The following EPM2AIP1 variants were observed in gnomAD, a reference collection of about 807,000 sequenced individuals.
EPM2AIP1 encodes EPM2A-interacting protein 1.
Under a neutral mutation model 44.8 loss-of-function variants are expected in EPM2AIP1, and 23 were observed. That is an observed-to-expected ratio of 0.51 (90% CI 0.37 to 0.73). The LOEUF is 0.73. Among genes scored for constraint, EPM2AIP1 ranks in the 30% least tolerant of loss-of-function variants. The pLI is 0.00. For missense variants in EPM2AIP1, 652 were observed against 743.9 expected (o/e 0.88, Z 1.44); for synonymous variants, 311 against 284.3 (o/e 1.09, Z -0.94).
chr3:36,990,292 A>C lies in EPM2AIP1; in HGVS notation c.*962T>G, dbSNP rs977289068. 1.3e-5 allele frequency: 5 copies of C among 380,534 alleles called. No homozygotes were observed. The South Asian group carries it at 5.4e-4, about 41-fold the overall frequency. The allele number at this position is 380,534 out of a possible 1,614,324, so 23.6% of individuals were successfully genotyped here. ...ATCTGATACTGTATCATTTTAAAAC[A>C]AAGTGTTTACTTTAGGCAGGATTTT... On this transcript the variant is annotated 3_prime_UTR_variant, in exon 1 of 1. Transcript: ENST00000322716.
chr3:36,991,221 T>C lies in EPM2AIP1; in HGVS notation c.*33A>G, dbSNP rs753237511. 4 of 1,514,674 alleles carry C rather than the reference T, an allele frequency of 2.6e-6. No individual in the cohort carries two copies. The highest frequency in any genetic ancestry group is 3.5e-6 in the Non-Finnish European group (4 of 1,129,716). 93.8% of individuals were successfully genotyped at this position (1,514,674 alleles called of 1,614,324 possible). On this transcript the variant is annotated 3_prime_UTR_variant, in exon 1 of 1. Transcript: ENST00000322716. ...AATTTTTGCTTTTAGAATTAAATTC[T>C]TGTTGAGTTTTTCAATCTTGTACTA...
Position 36,989,724 on chromosome 3 carries a change from C to G in EPM2AIP1, c.*1530G>C, listed in dbSNP as rs1559495145. ...GGGTGAGTGTCTTTAGGCTTAAATG[C>G]CAACAGAAGCCCCTAGTAAATATGA... is the stretch of plus-strand genomic sequence containing the variant. On this transcript the variant is annotated 3_prime_UTR_variant, in exon 1 of 1. Transcript: ENST00000322716. 2 of 151,982 alleles carry G rather than the reference C, an allele frequency of 1.3e-5. No individual in the cohort carries two copies. Among genetic ancestry groups the G allele is most frequent in the Admixed American group, 6.6e-5 (1 of 15,238 alleles). 9.4% of individuals were successfully genotyped at this position (151,982 alleles called of 1,614,324 possible).
rs754083403 is a variant in EPM2AIP1 at position 36,991,954 on chromosome 3, T to C, written c.1124A>G (p.Lys375Arg). The C allele has an allele frequency of 1.2e-6, 2 of 1,613,870 alleles. No individual in the cohort carries two copies. The highest frequency in any genetic ancestry group is 2.7e-5 in the African/African-American group (2 of 74,934). Reference sequence around the variant, plus strand: ...GAAGCCAAAGTCACAAAGCCATTGTTTGTCTGAGAAGTGGACTGTTGTTGC... The same window carrying C: ...GAAGCCAAAGTCACAAAGCCATTGTCTGTCTGAGAAGTGGACTGTTGTTGC... ...VGATTVHFSD[K>R]QWLCDFGFLV... Residue 375 changes from lysine (K) to arginine (R), a missense_variant, in exon 1 of 1, where the codon AAA becomes AGA. Lys to Arg is a conservative substitution (Grantham distance 26). Transcript: ENST00000322716.
Position 36,993,126 on chromosome 3 carries a change from G to A in EPM2AIP1, c.-49C>T, listed in dbSNP as rs182195612. ...GGCCAACGTTAGAAAGGCCGCAAGG[G>A]GAGAGGAGGAGCCTGAGAAGCGCCA... is the stretch of plus-strand genomic sequence containing the variant. On this transcript the variant is annotated 5_prime_UTR_variant, in exon 1 of 1. Transcript: ENST00000322716. 1.6e-4 allele frequency: 249 copies of A among 1,547,798 alleles called. No homozygotes were observed. In the African/African-American group the frequency reaches 3.1e-3, roughly 19 times the overall value.
rs1182794381 is a variant in EPM2AIP1 at position 36,992,930 on chromosome 3, G to A, written c.148C>T (p.Arg50Cys). 6.2e-7 allele frequency: 1 copy of A among 1,612,684 alleles called. No individual in the cohort carries two copies. Among genetic ancestry groups the A allele is most frequent in the East Asian group, 2.2e-5 (1 of 44,882 alleles). Residue 50 changes from arginine to cysteine, a missense_variant, in exon 1 of 1, where the codon CGC becomes TGC. Physicochemically the swap from Arg to Cys is radical, Grantham distance 180. Coordinates refer to ENST00000322716, the MANE Select transcript of EPM2AIP1 (RefSeq NM_014805.4). This position sits in a 1 kb window ranked among gnomAD's most constrained non-coding sequence, Gnocchi z 5.3. Reference protein sequence around the residue: ...LVCRRLIVATRERDVRRHYEA... With the variant: ...LVCRRLIVATCERDVRRHYEA... ...TAGTGGCGCCTGACGTCGCGTTCGC[G>A]GGTAGCTACGATGAGGCGGCGACAG...
chr3:36,990,915 G>A lies in EPM2AIP1; in HGVS notation c.*339C>T, dbSNP rs541679885. On this transcript the variant is annotated 3_prime_UTR_variant, in exon 1 of 1. Coordinates refer to ENST00000322716, the MANE Select transcript of EPM2AIP1 (RefSeq NM_014805.4). ...ATTTTAACACTCCATTAAAATAAGAGCTGAAATTTTTGGCATTTATCTTCA... is the reference window on the plus strand; with the variant it reads ...ATTTTAACACTCCATTAAAATAAGAACTGAAATTTTTGGCATTTATCTTCA... 7.9e-6 allele frequency: 8 copies of A among 1,008,462 alleles called. No homozygotes were observed. Among genetic ancestry groups the A allele is most frequent in the African/African-American group, 1.7e-5 (1 of 58,102 alleles). 62.5% of individuals were successfully genotyped at this position (1,008,462 alleles called of 1,614,324 possible). A position where few individuals can be genotyped will look rare whatever the true frequency, so the allele number is the denominator to read the frequency against.
In EPM2AIP1 at chr3:36,986,106, G is replaced by A. The variant is rs2080767958; in HGVS notation, c.*5148C>T. The A allele has an allele frequency of 6.6e-6, 1 of 152,184 alleles. No individual in the cohort carries two copies. The highest frequency in any genetic ancestry group is 6.5e-5 in the Admixed American group (1 of 15,280). The allele number at this position is 152,184 out of a possible 1,614,324, so 9.4% of individuals were successfully genotyped here. A position where few individuals can be genotyped will look rare whatever the true frequency, so the allele number is the denominator to read the frequency against. ...TAAAATACTGAACACTGGCTTAATG[G>A]TTAGCTGGCAGGCATTCAGGAAATT... is the stretch of plus-strand genomic sequence containing the variant. On this transcript the variant is annotated 3_prime_UTR_variant, in exon 1 of 1. Transcript: ENST00000322716.
rs1429430170 is a variant in EPM2AIP1 at position 36,991,164 on chromosome 3, A to C, written c.*90T>G. 4.0e-6 allele frequency: 6 copies of C among 1,482,468 alleles called. No homozygotes were observed. In the South Asian group the frequency reaches 7.6e-5, roughly 19 times the overall value. The allele number at this position is 1,482,468 out of a possible 1,614,324, so 91.8% of individuals were successfully genotyped here. A position where few individuals can be genotyped will look rare whatever the true frequency, so the allele number is the denominator to read the frequency against. ...CGGCTGGTACTTGGTACTTTCTCAC[A>C]ATCCAAATTAGTAAACTTGAAAACT... On this transcript the variant is annotated 3_prime_UTR_variant, in exon 1 of 1. Transcript: ENST00000322716.
At position 36,992,249 on chromosome 3, in the gene EPM2AIP1, G is replaced by T; in HGVS notation, c.829C>A (p.His277Asn). 5 of 1,614,012 alleles carry T rather than the reference G, an allele frequency of 3.1e-6. No individual in the cohort carries two copies. The highest frequency in any genetic ancestry group is 4.2e-6 in the Non-Finnish European group (5 of 1,179,900). The stretch of plus-strand genomic sequence containing the variant: ...TCCAAGTGAAGAAATCCTGAATAAT[G>T]AATGACATTCCAACAGTTGGGGCTT... ...AVSPNCWNVI[H>N]YSGFLHLELL... The change falls in exon 1 of 1, where the codon CAT (histidine) becomes AAT (asparagine). Residue 277 changes from histidine to asparagine, a missense_variant. Transcript: ENST00000322716. The surrounding 1 kb of genome is among the most constrained non-coding windows in gnomAD (Gnocchi z 5.3).
At position 36,991,220 on chromosome 3, in the gene EPM2AIP1, C is replaced by G. The variant is rs780852020; in HGVS notation, c.*34G>C. ...CAATTTTTGCTTTTAGAATTAAATTCTTGTTGAGTTTTTCAATCTTGTACT... is the reference window on the plus strand; with the variant it reads ...CAATTTTTGCTTTTAGAATTAAATTGTTGTTGAGTTTTTCAATCTTGTACT... On this transcript the variant is annotated 3_prime_UTR_variant, in exon 1 of 1. Coordinates refer to ENST00000322716, the MANE Select transcript of EPM2AIP1 (RefSeq NM_014805.4). 1 of 1,510,082 alleles carries G rather than the reference C, an allele frequency of 6.6e-7. No individual in the cohort carries two copies. Among genetic ancestry groups the G allele is most frequent in the Non-Finnish European group, 8.9e-7 (1 of 1,127,492 alleles). 93.5% of individuals were successfully genotyped at this position (1,510,082 alleles called of 1,614,324 possible). A position where few individuals can be genotyped will look rare whatever the true frequency, so the allele number is the denominator to read the frequency against.
chr3:36,992,451 CAGA>C lies in EPM2AIP1; in HGVS notation c.624_626del (p.Leu209del). 1 of 1,613,952 alleles carries C rather than the reference CAGA, an allele frequency of 6.2e-7. No homozygotes were observed. The highest frequency in any genetic ancestry group is 8.5e-7 in the Non-Finnish European group (1 of 1,179,896). Reference sequence around the variant, plus strand: ...AATGATGAGTCAGGTTGATTATGGTCAGAAGATCTTCTTGCACCTCCAACTCAG... The same window carrying C: ...AATGATGAGTCAGGTTGATTATGGTCAGATCTTCTTGCACCTCCAACTCAG... On this transcript the variant is annotated inframe_deletion, in exon 1 of 1. Coordinates refer to ENST00000322716, the MANE Select transcript of EPM2AIP1 (RefSeq NM_014805.4). This position sits in a 1 kb window ranked among gnomAD's most constrained non-coding sequence, Gnocchi z 5.3.
chr3:36,993,030 T>G lies in EPM2AIP1; in HGVS notation c.48A>C (p.Leu16=). 6.2e-7 allele frequency: 1 copy of G among 1,611,662 alleles called. No individual in the cohort carries two copies. Among genetic ancestry groups the G allele is most frequent in the African/African-American group, 1.3e-5 (1 of 75,008 alleles). ...GCTGGGTCCACTCGGGCCGGAAAAC[T>G]AGAGCCTCGTCGACTTCCATCTTGC... The part of the protein sequence containing the change: ...KRSKMEVDEA[L]VFRPEWTQRY... The change falls in exon 1 of 1, where the codon CTA becomes CTC. Residue 16 remains leucine (L), a synonymous_variant. Coordinates refer to ENST00000322716, the MANE Select transcript of EPM2AIP1 (RefSeq NM_014805.4).
chr3:36,985,395 A>C lies in EPM2AIP1; in HGVS notation c.*5859T>G, dbSNP rs1200779726. The C allele has an allele frequency of 6.6e-6, 1 of 152,186 alleles. No homozygotes were observed. Among genetic ancestry groups the C allele is most frequent in the Non-Finnish European group, 1.5e-5 (1 of 68,038 alleles). The allele number at this position is 152,186 out of a possible 1,614,324, so 9.4% of individuals were successfully genotyped here. On this transcript the variant is annotated 3_prime_UTR_variant, in exon 1 of 1. Coordinates refer to ENST00000322716, the MANE Select transcript of EPM2AIP1 (RefSeq NM_014805.4). ...GGTGCATTCAAGGGCATATATAAAA[A>C]CCCACTGAGGTGTACACTTAATATC...
Position 36,991,299 on chromosome 3 carries a change from G to A in EPM2AIP1, c.1779C>T (p.Pro593=), listed in dbSNP as rs1475243046. Residue 593 remains proline (P), a synonymous_variant, in exon 1 of 1, where the codon CCC becomes CCT. Coordinates refer to ENST00000322716, the MANE Select transcript of EPM2AIP1 (RefSeq NM_014805.4). ...TTTCTCTCACAAGGTCATCCCAACCGGGCTCCATTTCAGTTGTGGCAACCC... is the reference window on the plus strand; with the variant it reads ...TTTCTCTCACAAGGTCATCCCAACCAGGCTCCATTTCAGTTGTGGCAACCC... ...LFRVATTEME[P]GWDDLVRERN... is the part of the protein sequence containing the mutation. The A allele has an allele frequency of 6.2e-7, 1 of 1,613,504 alleles. No homozygotes were observed. The highest frequency in any genetic ancestry group is 1.1e-5 in the South Asian group (1 of 91,068).
chr3:36,990,840 G>A lies in EPM2AIP1; in HGVS notation c.*414C>T. 1.0e-6 allele frequency: 1 copy of A among 986,362 alleles called. No individual in the cohort carries two copies. Among genetic ancestry groups the A allele is most frequent in the Non-Finnish European group, 1.2e-6 (1 of 830,350 alleles). The allele number at this position is 986,362 out of a possible 1,614,324, so 61.1% of individuals were successfully genotyped here. A position where few individuals can be genotyped will look rare whatever the true frequency, so the allele number is the denominator to read the frequency against. The stretch of plus-strand genomic sequence containing the variant: ...TTGCTATGTGAGCTTCTGCAAATTG[G>A]TTCAAAAGCACATTTAAGGAGTTGA... On this transcript the variant is annotated 3_prime_UTR_variant, in exon 1 of 1. Coordinates refer to ENST00000322716, the MANE Select transcript of EPM2AIP1 (RefSeq NM_014805.4).
At position 36,991,924 on chromosome 3, in the gene EPM2AIP1, A is replaced by G; in HGVS notation, c.1154T>C (p.Val385Ala). 1 of 1,613,862 alleles carries G rather than the reference A, an allele frequency of 6.2e-7. No homozygotes were observed. The highest frequency in any genetic ancestry group is 2.2e-5 in the East Asian group (1 of 44,900). Reference sequence around the variant, plus strand: ...TTCTCGAAGGTGTTCCATAATGTCCACCAAGAAGCCAAAGTCACAAAGCCA... The same window carrying G: ...TTCTCGAAGGTGTTCCATAATGTCCGCCAAGAAGCCAAAGTCACAAAGCCA... Reference protein sequence around the residue: ...KQWLCDFGFLVDIMEHLRELS... With the variant: ...KQWLCDFGFLADIMEHLRELS... The change falls in exon 1 of 1, where the codon GTG becomes GCG. Residue 385 changes from valine (V) to alanine (A), a missense_variant. Physicochemically the swap from Val to Ala is moderately conservative, Grantham distance 64. Coordinates refer to ENST00000322716, the MANE Select transcript of EPM2AIP1 (RefSeq NM_014805.4).
chr3:36,989,302 G>A lies in EPM2AIP1; in HGVS notation c.*1952C>T, dbSNP rs528405918. On this transcript the variant is annotated 3_prime_UTR_variant, in exon 1 of 1. Transcript: ENST00000322716. ...GTAGATTTTTCTGTTTTTTTTTTTC[G>A]GTTTTCCACTATGTTGTTTCTCTAG... 27 of 148,484 alleles carry A rather than the reference G, an allele frequency of 1.8e-4. No homozygotes were observed. The highest frequency in any genetic ancestry group is 6.4e-4 in the African/African-American group (26 of 40,424). The allele number at this position is 148,484 out of a possible 1,614,324, so 9.2% of individuals were successfully genotyped here.
rs760539947 is a variant in EPM2AIP1, at chr3:36,991,298, C to T, written c.1780G>A (p.Gly594Ser). 2 of 1,613,572 alleles carry T rather than the reference C, an allele frequency of 1.2e-6. No individual in the cohort carries two copies. The highest frequency in any genetic ancestry group is 1.3e-5 in the African/African-American group (1 of 74,906). ...CTTTCTCTCACAAGGTCATCCCAAC[C>T]GGGCTCCATTTCAGTTGTGGCAACC... ...FRVATTEMEPGWDDLVRERNE... is the reference protein window; with the variant it reads ...FRVATTEMEPSWDDLVRERNE... The change falls in exon 1 of 1, where the codon GGT becomes AGT. Residue 594 changes from glycine to serine, a missense_variant. Physicochemically the swap from Gly to Ser is moderately conservative, Grantham distance 56. Coordinates refer to ENST00000322716, the MANE Select transcript of EPM2AIP1 (RefSeq NM_014805.4).
In EPM2AIP1 at chr3:36,990,665, G is replaced by A; in HGVS notation, c.*589C>T. 1 of 985,770 alleles carries A rather than the reference G, an allele frequency of 1.0e-6. No homozygotes were observed. The highest frequency in any genetic ancestry group is 1.2e-6 in the Non-Finnish European group (1 of 829,880). 61.1% of individuals were successfully genotyped at this position (985,770 alleles called of 1,614,324 possible). A position where few individuals can be genotyped will look rare whatever the true frequency, so the allele number is the denominator to read the frequency against. On this transcript the variant is annotated 3_prime_UTR_variant, in exon 1 of 1. Transcript: ENST00000322716. ...CCTCTATCAGTAATGTGTTATCACT[G>A]AGGTGGGTGATGGGGAGGGAAGAGG...
Sources: allele counts gnomAD v4.1 joint callset, GRCh38; gene constraint gnomAD v4.1.1; non-coding constraint Gnocchi (gnomAD v3.1); transcripts MANE v1.5; gene names NCBI Gene and HGNC (gene_info 2026-07-23, HGNC 2026-07-21).